Variants in LINGO2 observed in about 807,000 individuals in gnomAD.
LINGO2 encodes the protein leucine-rich repeat and immunoglobulin-like domain-containing nogo receptor-interacting protein 2.
Under a neutral mutation model 30.6 loss-of-function variants are expected in LINGO2, and 14 were observed. That is an observed-to-expected ratio of 0.46 (90% CI 0.30 to 0.72). The LOEUF is 0.72. Ranked by LOEUF, LINGO2 falls within the 30% of genes least tolerant of loss-of-function variation. LINGO2 has a pLI of 0.07. For missense variants in LINGO2, 729 were observed against 751.7 expected (o/e 0.97, Z 0.35); for synonymous variants, 317 against 288.5 (o/e 1.10, Z -1.00).
the LINGO2 span, among the ~76,000 whole-genome samples, chr9:28,745,321 G>A: frequency 2.8e-4 from 42 of 152,188 alleles, no homozygotes; most frequent in East Asian, 7.7e-3. Flanking sequence ...TGGTATGCAT[G>A]TGGCTTGAAG....
At chr9:28,338,525 A>G (rs1219729809) in intron 3 of LINGO2, among the ~76,000 whole-genome samples, 1 of 152,114 alleles carries the variant, frequency 6.6e-6, no homozygotes, top group Non-Finnish European at 1.5e-5. Context: ...TACCAGGGGC[A>G]GAATGATGTG....
At chr9:28,719,240 CCT>C in the LINGO2 span, among the ~76,000 whole-genome samples, 1 of 151,886 alleles carries the variant, frequency 6.6e-6, no homozygotes, top group Non-Finnish European at 1.5e-5. Context: ...TCTTTAAGCT[CCT>C]CTCTCTTAGC....
intron 4 of LINGO2, among the ~76,000 whole-genome samples, chr9:28,079,993 C>T (rs1825729364): frequency 1.3e-5 from 2 of 152,304 alleles, no homozygotes; most frequent in African/African-American, 4.8e-5. Flanking sequence ...CCTTTACACC[C>T]TGCCCATCAT....
the LINGO2 span, among the ~76,000 whole-genome samples, chr9:28,731,280 C>A: frequency 6.6e-6 from 1 of 152,030 alleles, no homozygotes; most frequent in Non-Finnish European, 1.5e-5. Context: ...TGAGCCACTG[C>A]GCCCAGCCTA....
chr9:28,598,602 GC>G (rs1381849416), intron 1 of LINGO2: 2 of 152,238 alleles, frequency 1.3e-5, no homozygotes, highest in East Asian at 3.9e-4. Context: ...ATGTCCGCTT[GC>G]CAGTTCAGTG....
intron 2 of LINGO2, among the ~76,000 whole-genome samples, chr9:28,422,473 A>T (rs1823236152): frequency 1.3e-5 from 2 of 151,848 alleles, no homozygotes; most frequent in Non-Finnish European, 2.9e-5. Context: ...ATGAGCTACC[A>T]ACTAATACCC....
At chr9:28,018,147 C>G (rs915743376) in intron 4 of LINGO2, among the ~76,000 whole-genome samples, 5 of 152,280 alleles carry the variant, frequency 3.3e-5, no homozygotes, top group African/African-American at 1.2e-4. Context: ...GGCTGACTGG[C>G]TAGCCATATG....
chr9:28,952,354 T>A, the LINGO2 span, among the ~76,000 whole-genome samples: 1 of 152,276 alleles, frequency 6.6e-6, no homozygotes, highest in East Asian at 1.9e-4. Flanking sequence ...GTTTCTTAGT[T>A]TTTTCATCTA....
chr9:29,188,489 G>A, the LINGO2 span, among the ~76,000 whole-genome samples: 40,388 of 150,556 alleles, frequency 0.27, 5,740 homozygotes, highest in East Asian at 0.45. Context: ...TCTATTCCAC[G>A]AAACCGCCCC....
intron 4 of LINGO2, among the ~76,000 whole-genome samples, chr9:28,254,552 T>G (rs906432780): frequency 6.6e-6 from 1 of 152,148 alleles, no homozygotes; most frequent in Non-Finnish European, 1.5e-5. Context: ...AAAAATCTTA[T>G]AGTTCTTAGC....
At chr9:28,505,310 T>C (rs1358608194) in intron 1 of LINGO2, among the ~76,000 whole-genome samples, 1 of 151,776 alleles carries the variant, frequency 6.6e-6, no homozygotes, top group African/African-American at 2.4e-5. Flanking sequence ...AGGTAAAAAA[T>C]AAACAAAATG....
At chr9:28,447,922 A>T (rs1244499448) in intron 2 of LINGO2, among the ~76,000 whole-genome samples, 1 of 152,154 alleles carries the variant, frequency 6.6e-6, no homozygotes, top group Non-Finnish European at 1.5e-5. Flanking sequence ...TGTGGATAAG[A>T]TGGAGGATTA....
At chr9:28,754,520 G>A in the LINGO2 span, among the ~76,000 whole-genome samples, 1 of 151,948 alleles carries the variant, frequency 6.6e-6, no homozygotes, top group Admixed American at 6.5e-5. Context: ...GAAGCTCAAT[G>A]TTTAATAAAC....
the LINGO2 span, among the ~76,000 whole-genome samples, chr9:28,950,450 A>T: frequency 6.6e-6 from 1 of 152,200 alleles, no homozygotes; most frequent in Non-Finnish European, 1.5e-5. Context: ...AGAGAAAGTC[A>T]AATTGTCTCT....
At chr9:28,878,263 A>T in the LINGO2 span, among the ~76,000 whole-genome samples, 1 of 152,254 alleles carries the variant, frequency 6.6e-6, no homozygotes, top group African/African-American at 2.4e-5. Flanking sequence ...TCCTCGACAC[A>T]TACACCCTCC....
At chr9:28,572,095 G>A (rs1014744854) in intron 1 of LINGO2, among the ~76,000 whole-genome samples, 14 of 151,952 alleles carry the variant, frequency 9.2e-5, no homozygotes, top group Admixed American at 2.6e-4. Context: ...TCTGTTCTTG[G>A]CATGTAAGTC....
chr9:28,974,407 A>G, the LINGO2 span, among the ~76,000 whole-genome samples: 1 of 152,228 alleles, frequency 6.6e-6, no homozygotes, highest in Non-Finnish European at 1.5e-5. Context: ...CTCTGTCTCA[A>G]AAACAAACAA....
At chr9:28,707,859 T>C in the LINGO2 span, among the ~76,000 whole-genome samples, 2,125 of 152,192 alleles carry the variant, frequency 0.014, 49 homozygotes, top group African/African-American at 0.048. Flanking sequence ...CCTGCATCTA[T>C]CACCACATGG....
At position 28,389,086 on chromosome 9, in the gene LINGO2, A is replaced by C. The variant is rs371904060; in HGVS notation, c.-278-16218T>G. Among the ~76,000 whole-genome samples, 91 of 152,242 alleles carry C rather than the reference A, an allele frequency of 6.0e-4. 2 individuals are homozygous for C. The South Asian group carries it at 0.018, about 30-fold the overall frequency. ...GACAGGTTATTTGTAATTTACCTTA[A>C]AATGTAGCTACAGCCCTTTATGTCT... On this transcript the variant is annotated intron_variant, in intron 2 of 5. Transcript: ENST00000379992.
Sources: allele counts gnomAD v4.1 joint callset (sites outside exome capture counted in the v4.1 genomes callset), GRCh38; gene constraint gnomAD v4.1.1; transcripts MANE v1.5; gene names NCBI Gene and HGNC (gene_info 2026-07-23, HGNC 2026-07-21).